The following VWA3B variants were observed in gnomAD, a reference collection of about 807,000 sequenced individuals.
VWA3B encodes von Willebrand factor A domain containing 3B, also known as von Willebrand factor A domain-containing protein 3B.
Under a neutral mutation model 158.3 loss-of-function variants are expected in VWA3B, and 138 were observed. The observed-to-expected ratio is 0.87, with a 90% CI of 0.76 to 1.00. The LOEUF (loss-of-function observed/expected upper bound fraction) is 1.00, where lower values mean the gene tolerates loss of function less well. Ranked by LOEUF, VWA3B falls within the 50% of genes least tolerant of loss-of-function variation. The pLI is 0.00. For missense variants in VWA3B, 1,555 were observed against 1,565.1 expected (o/e 0.99, Z 0.11); for synonymous variants, 596 against 587.3 (o/e 1.01, Z -0.21).
intron 2 of VWA3B, among the ~76,000 whole-genome samples, chr2:98,100,629 G>A (rs1266322210): frequency 2.6e-5 from 4 of 152,306 alleles, no homozygotes; most frequent in Non-Finnish European, 5.9e-5. Flanking sequence ...GATAGATCTA[G>A]AAGCTTAGTC....
At chr2:98,244,099 C>A (rs77733373) in intron 19 of VWA3B, among the ~76,000 whole-genome samples, 5,915 of 152,282 alleles carry the variant, frequency 0.039, 173 homozygotes, top group Middle Eastern at 0.075. Flanking sequence ...TCTACTTTAA[C>A]AATCAATAGC....
intron 2 of VWA3B, among the ~76,000 whole-genome samples, chr2:98,106,204 T>C (rs1475792499): frequency 6.6e-6 from 1 of 152,172 alleles, no homozygotes; most frequent in Admixed American, 6.5e-5. Context: ...TGTGAGCCAC[T>C]GCGCCTGGCC....
chr2:98,320,555 G>A, the VWA3B span, among the ~76,000 whole-genome samples: 1 of 152,234 alleles, frequency 6.6e-6, no homozygotes, highest in African/African-American at 2.4e-5. Flanking sequence ...AATGCTGACA[G>A]TGATATGGAC....
the VWA3B span, among the ~76,000 whole-genome samples, chr2:98,324,267 A>G: frequency 6.6e-6 from 1 of 151,976 alleles, no homozygotes; most frequent in Non-Finnish European, 1.5e-5. Context: ...AGTTCAAACC[A>G]TTCTCCTGCC....
chr2:98,181,572 C>T (rs1296171177), intron 9 of VWA3B, among the ~76,000 whole-genome samples: 3 of 152,182 alleles, frequency 2.0e-5, no homozygotes, highest in Non-Finnish European at 2.9e-5. Flanking sequence ...GTATGCCCAG[C>T]GCAGCAGGCG....
At chr2:98,300,306 C>A (rs1375302358) in intron 25 of VWA3B, 90 bp downstream of exon 25, 1 of 1,565,828 alleles carries the variant, frequency 6.4e-7, no homozygotes, top group African/African-American at 1.4e-5. Flanking sequence ...GAATGGTTTC[C>A]CTGGCTGCAT....
chr2:98,132,858 C>A (rs1053085388), intron 6 of VWA3B, among the ~76,000 whole-genome samples: 1 of 152,226 alleles, frequency 6.6e-6, no homozygotes, highest in Non-Finnish European at 1.5e-5. Flanking sequence ...TCCAGTCTCG[C>A]CTGAAACCCT....
chr2:98,159,954 G>A (rs2105225514), intron 7 of VWA3B, among the ~76,000 whole-genome samples: 1 of 151,312 alleles, frequency 6.6e-6, no homozygotes, highest in East Asian at 2.0e-4. Flanking sequence ...AGGTTGCAGT[G>A]AGCCTAGATC....
rs534351736 is a variant in VWA3B at position 98,143,752 on chromosome 2, CT to C, written c.988+9830del. ...CTTTAGCTTTCTTTTCTTTTCTTTTCTTTTTTTTTTTTTTTTTGAGACATGG... is the reference window on the plus strand; with the variant it reads ...CTTTAGCTTTCTTTTCTTTTCTTTTCTTTTTTTTTTTTTTTTGAGACATGG... On this transcript the variant is annotated intron_variant, in intron 7 of 27. Transcript: ENST00000477737. Among the ~76,000 whole-genome samples, 566 of 130,914 alleles carry C rather than the reference CT, an allele frequency of 4.3e-3. 3 individuals carry two copies. The highest frequency in any genetic ancestry group is 0.011 in the African/African-American group (410 of 36,112). 85.9% of individuals were successfully genotyped at this position (130,914 alleles called of 152,430 possible). A position where few individuals can be genotyped will look rare whatever the true frequency, so the allele number is the denominator to read the frequency against.
intron 22 of VWA3B, among the ~76,000 whole-genome samples, chr2:98,272,163 C>T (rs964837308): frequency 6.6e-6 from 1 of 152,238 alleles, no homozygotes; most frequent in Non-Finnish European, 1.5e-5. Context: ...GACTGGCCCT[C>T]CCAACACATC....
intron 21 of VWA3B, among the ~76,000 whole-genome samples, chr2:98,264,653 TC>T (rs1687682647): frequency 1.3e-5 from 2 of 152,186 alleles, no homozygotes; most frequent in South Asian, 4.1e-4. Flanking sequence ...TGGAGAATAT[TC>T]CATGTGTACT....
intron 2 of VWA3B, among the ~76,000 whole-genome samples, chr2:98,112,734 T>G (rs1674239178): frequency 1.3e-5 from 2 of 152,060 alleles, no homozygotes; most frequent in Non-Finnish European, 1.5e-5. Context: ...TAATCTATTT[T>G]TACGCCCTAT....
rs367640315 is a variant in VWA3B, at chr2:98,312,014, G to C, written c.3717G>C (p.Gly1239=). ...TCAGCTCCCATGGGTCCTGCCAGGGGACACACCCCGAGCCCAGGGTTTGGG... is the reference window on the plus strand; with the variant it reads ...TCAGCTCCCATGGGTCCTGCCAGGGCACACACCCCGAGCCCAGGGTTTGGG... ...HGISSHGSCQ[G]THPEPRTAHL... The change falls in exon 27 of 28, where the codon GGG becomes GGC. Residue 1239 remains glycine, a synonymous_variant. Transcript: ENST00000477737. The C allele has an allele frequency of 2.2e-5, 35 of 1,598,954 alleles. No individual in the cohort carries two copies. The highest frequency in any genetic ancestry group is 2.7e-5 in the Non-Finnish European group (32 of 1,172,634).
Position 98,297,963 on chromosome 2 carries a change from G to A in VWA3B, c.3214G>A (p.Asp1072Asn). 3 of 1,587,106 alleles carry A rather than the reference G, an allele frequency of 1.9e-6. No individual in the cohort carries two copies. The highest frequency in any genetic ancestry group is 2.6e-6 in the Non-Finnish European group (3 of 1,166,748). Residue 1072 changes from aspartate (D) to asparagine (N), a missense_variant, in exon 24 of 28, where the codon GAC (aspartate) becomes AAC (asparagine). Asp to Asn is a conservative substitution (Grantham distance 23). Coordinates refer to ENST00000477737, the MANE Select transcript of VWA3B (RefSeq NM_144992.5). ...AGCACTGGTGGGCTTCAGTTACGGA[G>A]ACACCAAGGTCGTGTCCACCTCCTT... ...TQALVGFSYG[D>N]TKVVSTSFIT...
intron 7 of VWA3B, among the ~76,000 whole-genome samples, chr2:98,140,232 A>C (rs1461249420): frequency 1.3e-5 from 2 of 152,142 alleles, no homozygotes; most frequent in Non-Finnish European, 2.9e-5. Flanking sequence ...CCAAGAACCC[A>C]CCAATTCCGG....
chr2:98,297,658 A>G (rs916714293), intron 23 of VWA3B, among the ~76,000 whole-genome samples: 1 of 152,158 alleles, frequency 6.6e-6, no homozygotes, highest in Middle Eastern at 3.2e-3. Flanking sequence ...CGCAGGATGA[A>G]CAAGTCTAGT....
rs764810637 is a variant in VWA3B, at chr2:98,270,680, A to T, written c.2844-2A>T. On this transcript the variant is annotated splice_acceptor_variant, in intron 21 of 27. Coordinates refer to ENST00000477737, the MANE Select transcript of VWA3B (RefSeq NM_144992.5). LOFTEE classifies it high-confidence loss of function. ...TTGTTTGTTTGTTTCTTTGTTTTTT[A>T]GGTTAGATGCAAACAAACCAATACA... The T allele has an allele frequency of 1.9e-6, 3 of 1,605,156 alleles. No homozygotes were observed. Among genetic ancestry groups the T allele is most frequent in the Non-Finnish European group, 2.6e-6 (3 of 1,175,822 alleles).
At chr2:98,099,587 G>C (rs1166113330) in intron 2 of VWA3B, among the ~76,000 whole-genome samples, 1 of 152,078 alleles carries the variant, frequency 6.6e-6, no homozygotes, top group Non-Finnish European at 1.5e-5. Context: ...GAGGATTAGA[G>C]ACTTTTGACC....
intron 8 of VWA3B, chr2:98,179,321 A>G (rs1044308803): frequency 1.9e-5 from 9 of 471,046 alleles, no homozygotes; most frequent in African/African-American, 1.6e-4. Flanking sequence ...CGCTCAGGTA[A>G]CATAACACAG....
Sources: allele counts gnomAD v4.1 joint callset (sites outside exome capture counted in the v4.1 genomes callset), GRCh38; gene constraint gnomAD v4.1.1; transcripts MANE v1.5; gene names NCBI Gene and HGNC (gene_info 2026-07-23, HGNC 2026-07-21).